Variants in PIAS3 observed in about 807,000 individuals in gnomAD.
PIAS3 encodes the protein protein inhibitor of activated STAT 3, also known as E3 SUMO-protein ligase PIAS3.
PIAS3 carries 34 observed loss-of-function variants against 67.6 expected under a neutral mutation model. That is an observed-to-expected ratio of 0.50 (90% CI 0.38 to 0.67). The LOEUF (loss-of-function observed/expected upper bound fraction) is 0.67, where lower values mean the gene tolerates loss of function less well. Ranked by LOEUF, PIAS3 falls within the 30% of genes least tolerant of loss-of-function variation. The pLI is 0.00. For missense variants in PIAS3, 693 were observed against 791.6 expected, an observed-to-expected ratio of 0.88 and a Z score of 1.49; for synonymous variants, 341 against 313.8, an observed-to-expected ratio of 1.09 and a Z score of -0.92.
rs782404985 is a variant in PIAS3, at chr1:145,856,948, C to T, written c.83G>A (p.Arg28Gln). The T allele has an allele frequency of 1.9e-5, 30 of 1,613,986 alleles. No homozygotes were observed. Among genetic ancestry groups the T allele is most frequent in the South Asian group, 8.8e-5 (8 of 91,094 alleles). ...ELQVLLGFAG[R>Q]NKSGRKHELL... ...CTCGTGCTTCCGTCCACTCTTGTTC[C>T]GGCCAGCAAAGCCAAGAAGCACCTG... Residue 28 changes from arginine to glutamine, a missense_variant, in exon 2 of 14, where the codon CGG (arginine) becomes CAG (glutamine). Arg to Gln is a conservative substitution (Grantham distance 43). Around this residue, in one of 3 missense-constraint regions of PIAS3, gnomAD observed 308 missense variants for 348.8 expected, o/e 0.88. Transcript: ENST00000393045.
At chr1:145,854,603 T>C in intron 6 of PIAS3, 40 bp from the exon 7 acceptor site, 1 of 1,573,132 alleles carries the variant, frequency 6.4e-7, no homozygotes, top group Non-Finnish European at 8.8e-7. Context: ...CCTCTGCTTC[T>C]CATACCACCA....
intron 7 of PIAS3, 46 bp downstream of exon 7, chr1:145,854,412 A>G: frequency 7.6e-7 from 1 of 1,309,656 alleles, no homozygotes; most frequent in Non-Finnish European, 1.1e-6. Flanking sequence ...GGCCAGGAAG[A>G]CTTGAATCCA....
intron 13 of PIAS3, 70 bp downstream of exon 13, chr1:145,850,162 G>C: frequency 1.2e-6 from 2 of 1,609,786 alleles, no homozygotes; most frequent in Non-Finnish European, 1.7e-6. Flanking sequence ...ATAAGAGAGG[G>C]AGGGGCCCCA....
At chr1:145,858,792 G>C (rs1254767344) in intron 1 of PIAS3, among the ~76,000 whole-genome samples, 175 bp downstream of exon 1, 1 of 144,290 alleles carries the variant, frequency 6.9e-6, no homozygotes, top group Non-Finnish European at 1.5e-5. Context: ...CCCGCCCCCG[G>C]AGCCCCGCCG....
At position 145,849,352 on chromosome 1, in the gene PIAS3, G is replaced by A. The variant is rs1652859317; in HGVS notation, c.*94C>T. ...TGAAGGTCTGTCTGGCCCTTGGCCA[G>A]AGCCCCCAGAGGGATCAGAGTAGCT... On this transcript the variant is annotated 3_prime_UTR_variant, in exon 14 of 14. Transcript: ENST00000393045. 11 of 1,313,040 alleles carry A rather than the reference G, an allele frequency of 8.4e-6. No individual in the cohort carries two copies. In the East Asian group the frequency reaches 1.4e-4, roughly 17 times the overall value. 81.3% of individuals were successfully genotyped at this position (1,313,040 alleles called of 1,614,324 possible). A position where few individuals can be genotyped will look rare whatever the true frequency, so the allele number is the denominator to read the frequency against.
intron 9 of PIAS3, among the ~76,000 whole-genome samples, chr1:145,852,064 TG>T (rs1652986434): frequency 6.6e-6 from 1 of 152,000 alleles, no homozygotes; most frequent in Non-Finnish European, 1.5e-5. Context: ...ACTGGGTCTT[TG>T]GCTTTCTAAA....
At chr1:145,854,949 A>G (rs950147954) in intron 5 of PIAS3, 69 bp from the exon 6 acceptor site, 130 of 1,573,230 alleles carry the variant, frequency 8.3e-5, no homozygotes, top group Non-Finnish European at 1.1e-4. Context: ...TGAACAAAAG[A>G]TATCTTGTCT....
chr1:145,858,609 T>C (rs1179101851), intron 1 of PIAS3, among the ~76,000 whole-genome samples: 1 of 151,172 alleles, frequency 6.6e-6, no homozygotes, highest in African/African-American at 2.4e-5. Flanking sequence ...TTGCATCTCT[T>C]GGCCTTGATC....
rs1186728691 is a variant in PIAS3 at position 145,848,795 on chromosome 1, C to G, written c.*651G>C. 2.0e-5 allele frequency: 5 copies of G among 246,680 alleles called. No homozygotes were observed. The Admixed American group carries it at 2.0e-4, about 10-fold the overall frequency. 15.3% of individuals were successfully genotyped at this position (246,680 alleles called of 1,614,324 possible). ...CAAGCAATAGGCCGGGCCTGACTCC[C>G]AGACCCCTGCAGATCATGGCTAAGG... On this transcript the variant is annotated 3_prime_UTR_variant, in exon 14 of 14. Coordinates refer to ENST00000393045, the MANE Select transcript of PIAS3 (RefSeq NM_006099.3).
intron 7 of PIAS3, 120 bp from the exon 8 acceptor site, chr1:145,854,006 G>A: frequency 1.3e-6 from 1 of 767,020 alleles, no homozygotes; most frequent in Non-Finnish European, 2.2e-6. Flanking sequence ...GTCTTTGGGG[G>A]CCAGTGGGAC....
At position 145,851,090 on chromosome 1, in the gene PIAS3, T is replaced by C. The variant is rs369968779; in HGVS notation, c.1209A>G (p.Gly403=). The C allele has an allele frequency of 1.2e-6, 2 of 1,613,988 alleles. No individual in the cohort carries two copies. The highest frequency in any genetic ancestry group is 2.7e-5 in the African/African-American group (2 of 74,916). Residue 403 remains glycine (G), a synonymous_variant, in exon 10 of 14, where the codon GGA becomes GGG. Coordinates refer to ENST00000393045, the MANE Select transcript of PIAS3 (RefSeq NM_006099.3). ...DCDEIQFMED[G]SWCPMKPKKE... ...TCTTGGGTTTCATTGGGCACCAGGA[T>C]CCATCTTCCATGAATTGGATCTCAT...
At position 145,856,334 on chromosome 1, in the gene PIAS3, G is replaced by A. The variant is rs1413699830; in HGVS notation, c.527+13C>T. 6.2e-7 allele frequency: 1 copy of A among 1,606,022 alleles called. No homozygotes were observed. On this transcript the variant is annotated intron_variant, in intron 3 of 13. Coordinates refer to ENST00000393045, the MANE Select transcript of PIAS3 (RefSeq NM_006099.3). Reference sequence around the variant, plus strand: ...AGACCAGGGATGAGGCAGGAAGACTGGAAGAGATGTACCTGGATGTAAGAA... The same window carrying A: ...AGACCAGGGATGAGGCAGGAAGACTAGAAGAGATGTACCTGGATGTAAGAA...
Position 145,853,636 on chromosome 1 carries a change from C to G in PIAS3, c.1013G>C (p.Cys338Ser). The G allele has an allele frequency of 6.2e-7, 1 of 1,614,032 alleles. No homozygotes were observed. Among genetic ancestry groups the G allele is most frequent in the African/African-American group, 1.3e-5 (1 of 75,010 alleles). ...PLGKMRLTVP[C>S]RALTCAHLQS... ...CAGGTGGGCGCAGGTGAGGGCACGACAAGGGACAGTCAGGCGCATCTTCCC... is the reference window on the plus strand; with the variant it reads ...CAGGTGGGCGCAGGTGAGGGCACGAGAAGGGACAGTCAGGCGCATCTTCCC... Residue 338 changes from cysteine to serine, a missense_variant, in exon 9 of 14, where the codon TGT (cysteine) becomes TCT (serine). This residue lies in a region of PIAS3 where 115 missense variants were observed against 181.8 expected (regional missense o/e 0.63). Transcript: ENST00000393045.
intron 7 of PIAS3, chr1:145,854,147 A>G (rs1653067321): frequency 1.7e-6 from 1 of 595,292 alleles, no homozygotes; most frequent in Non-Finnish European, 3.0e-6. Context: ...TTGAAGCATC[A>G]TGTGAGGGTT....
chr1:145,859,049 C>T lies in PIAS3; in HGVS notation c.-59G>A, dbSNP rs905415771. 48 of 1,510,992 alleles carry T rather than the reference C, an allele frequency of 3.2e-5. No individual in the cohort carries two copies. Among genetic ancestry groups the T allele is most frequent in the Admixed American group, 4.4e-5 (2 of 45,542 alleles). The allele number at this position is 1,510,992 out of a possible 1,614,324, so 93.6% of individuals were successfully genotyped here. ...GAGCTCAGGCCCAGGGACCGGCGCA[C>T]AACTCTCCACCCTGGCGCCGGCCGC... On this transcript the variant is annotated 5_prime_UTR_variant, in exon 1 of 14. It adds an upstream start codon to the 5' untranslated region. Transcript: ENST00000393045.
rs1249318858 is a variant in PIAS3 at position 145,849,376 on chromosome 1, C to G, written c.*70G>C. On this transcript the variant is annotated 3_prime_UTR_variant, in exon 14 of 14. Coordinates refer to ENST00000393045, the MANE Select transcript of PIAS3 (RefSeq NM_006099.3). Reference sequence around the variant, plus strand: ...AGAGCCCCCAGAGGGATCAGAGTAGCTGGGGTTGGGACTCCACAGCATACT... The same window carrying G: ...AGAGCCCCCAGAGGGATCAGAGTAGGTGGGGTTGGGACTCCACAGCATACT... 2 of 1,415,276 alleles carry G rather than the reference C, an allele frequency of 1.4e-6. No individual in the cohort carries two copies. The highest frequency in any genetic ancestry group is 2.9e-5 in the African/African-American group (2 of 68,160). 87.7% of individuals were successfully genotyped at this position (1,415,276 alleles called of 1,614,324 possible).
Position 145,850,514 on chromosome 1 carries a change from G to A in PIAS3, c.1521C>T (p.Phe507=), listed in dbSNP as rs782761884. Reference sequence around the variant, plus strand: ...ACTCATGTAGTGGGAGACTGGACAGGAAATCCCCACCCAACGTGCCCATAG... The same window carrying A: ...ACTCATGTAGTGGGAGACTGGACAGAAAATCCCCACCCAACGTGCCCATAG... The part of the protein sequence containing the change: ...SPAMGTLGGD[F]LSSLPLHEYP... Residue 507 remains phenylalanine, a synonymous_variant, in exon 12 of 14, where the codon TTC becomes TTT. Transcript: ENST00000393045. 6.2e-7 allele frequency: 1 copy of A among 1,614,202 alleles called. No individual in the cohort carries two copies. The highest frequency in any genetic ancestry group is 8.5e-7 in the Non-Finnish European group (1 of 1,180,024).
At chr1:145,855,656 CT>C (rs1433550716) in intron 5 of PIAS3, 79 bp downstream of exon 5, 2 of 803,798 alleles carry the variant, frequency 2.5e-6, no homozygotes, top group Admixed American at 2.3e-5. Context: ...AGGCATGTCT[CT>C]TTCAGAATAG....
At chr1:145,852,553 CTTTT>C (rs1357629820) in intron 9 of PIAS3, among the ~76,000 whole-genome samples, 1 of 138,146 alleles carries the variant, frequency 7.2e-6, no homozygotes, top group Non-Finnish European at 1.6e-5. Flanking sequence ...TTTTTTTTTT[CTTTT>C]TTTTTTTCTG....
Sources: gnomAD v4.1 joint callset for allele counts (sites outside exome capture counted in the v4.1 genomes callset) on GRCh38, gnomAD v4.1.1 for gene constraint, gnomAD v4.1.1 regional missense constraint, MANE v1.5 for transcripts, NCBI Gene and HGNC (gene_info 2026-07-23, HGNC 2026-07-21) for gene names.